The following CNTNAP2 variants were observed in gnomAD, a reference collection of about 807,000 sequenced individuals.
CNTNAP2 encodes the protein contactin-associated protein-like 2.
Under a neutral mutation model 155.2 loss-of-function variants are expected in CNTNAP2, and 98 were observed. The observed-to-expected ratio is 0.63, with a 90% CI of 0.54 to 0.75. The LOEUF is 0.75. CNTNAP2 is among the 30% of genes least tolerant of loss of function. CNTNAP2 has a pLI of 0.00. For synonymous variants in CNTNAP2, 651 were observed against 631.2 expected (o/e 1.03, Z -0.47); for missense variants, 1,727 against 1,688.1 (o/e 1.02, Z -0.40).
intron 12 of CNTNAP2, among the ~76,000 whole-genome samples, chr7:147,613,708 T>C (rs968343577): frequency 6.6e-6 from 1 of 152,040 alleles, no homozygotes; most frequent in Non-Finnish European, 1.5e-5. Flanking sequence ...CCAGGCATGG[T>C]GGTGGGCACC....
intron 13 of CNTNAP2, among the ~76,000 whole-genome samples, chr7:147,661,042 G>A (rs943393890): frequency 1.3e-5 from 2 of 152,044 alleles, no homozygotes; most frequent in African/African-American, 4.8e-5. Context: ...AGGGGCTGCT[G>A]TCCTGCCTAT....
At chr7:147,761,490 G>C (rs1797297544) in intron 13 of CNTNAP2, among the ~76,000 whole-genome samples, 1 of 152,086 alleles carries the variant, frequency 6.6e-6, no homozygotes, top group African/African-American at 2.4e-5. Context: ...TATTCCTCCT[G>C]TACATCCTCC....
intron 21 of CNTNAP2, among the ~76,000 whole-genome samples, chr7:148,347,150 G>C (rs1331968255): frequency 3.3e-5 from 5 of 152,076 alleles, no homozygotes; most frequent in Admixed American, 1.3e-4. Context: ...CCAGCTACTT[G>C]GGAGGCTGAG....
intron 1 of CNTNAP2, among the ~76,000 whole-genome samples, chr7:146,666,103 G>A (rs962501784): frequency 1.3e-5 from 2 of 152,018 alleles, no homozygotes; most frequent in African/African-American, 2.4e-5. Context: ...TTCTCATCTA[G>A]CAGTAATATT....
At chr7:147,115,205 G>T (rs1427461906) in intron 5 of CNTNAP2, among the ~76,000 whole-genome samples, 1 of 152,164 alleles carries the variant, frequency 6.6e-6, no homozygotes, top group East Asian at 1.9e-4. Context: ...GCTTCCCTTA[G>T]TGGGTGACCT....
At chr7:147,628,786 T>C (rs910979740) in intron 12 of CNTNAP2, among the ~76,000 whole-genome samples, 1 of 150,500 alleles carries the variant, frequency 6.6e-6, no homozygotes, top group Non-Finnish European at 1.5e-5. Context: ...GAAAAAGATA[T>C]TCCATGCAAA....
chr7:148,244,419 G>A (rs1390993640), intron 20 of CNTNAP2, among the ~76,000 whole-genome samples: 1 of 152,152 alleles, frequency 6.6e-6, no homozygotes, highest in East Asian at 1.9e-4. Context: ...TTTAGTTGTA[G>A]TTGTAAGGAA....
chr7:147,061,861 A>G (rs374642199), intron 4 of CNTNAP2, among the ~76,000 whole-genome samples: 7,913 of 151,218 alleles, frequency 0.052, no homozygotes, highest in African/African-American at 0.16. Flanking sequence ...TTGGCCGGGC[A>G]CGGTGGCTCA....
At chr7:146,836,391 G>C (rs1803618119) in intron 2 of CNTNAP2, among the ~76,000 whole-genome samples, 1 of 151,998 alleles carries the variant, frequency 6.6e-6, no homozygotes, top group Non-Finnish European at 1.5e-5. Flanking sequence ...AATAGAATTT[G>C]GCAGTTTTAA....
chr7:147,553,197 G>A (rs1406560033), intron 11 of CNTNAP2, among the ~76,000 whole-genome samples: 2 of 152,158 alleles, frequency 1.3e-5, no homozygotes, highest in Admixed American at 6.5e-5. Context: ...ACAGGGAAAC[G>A]GGACTAGCAT....
chr7:146,230,026 A>T (rs1237318490), intron 1 of CNTNAP2, among the ~76,000 whole-genome samples: 2 of 152,230 alleles, frequency 1.3e-5, no homozygotes, highest in East Asian at 3.8e-4. Flanking sequence ...CATTTTTCCA[A>T]ATGAAGACTT....
At chr7:146,371,178 T>G (rs1401656575) in intron 1 of CNTNAP2, among the ~76,000 whole-genome samples, 1 of 151,982 alleles carries the variant, frequency 6.6e-6, no homozygotes, top group Admixed American at 6.6e-5. Context: ...CTATTTCATC[T>G]TTTTTGCCTA....
At chr7:146,132,919 T>A (rs1323905927) in intron 1 of CNTNAP2, among the ~76,000 whole-genome samples, 2 of 148,752 alleles carry the variant, frequency 1.3e-5, no homozygotes, top group African/African-American at 2.5e-5. Context: ...GTCCTTTGGG[T>A]ATATACCCAG....
intron 23 of CNTNAP2, among the ~76,000 whole-genome samples, chr7:148,413,401 A>AATATATATAT (rs1226281346): frequency 1.1e-4 from 5 of 45,330 alleles, no homozygotes; most frequent in Non-Finnish European, 1.7e-4. Context: ...TCAAAAAAAA[A>AATATATATAT]ATATATATAT....
intron 1 of CNTNAP2, among the ~76,000 whole-genome samples, chr7:146,572,594 G>A (rs1051847838): frequency 3.3e-5 from 5 of 152,142 alleles, no homozygotes; most frequent in Admixed American, 2.0e-4. Flanking sequence ...CAGGGGACAA[G>A]GAGGACATGA....
At chr7:147,637,416 C>G (rs1795198562) in intron 12 of CNTNAP2, among the ~76,000 whole-genome samples, 1 of 152,072 alleles carries the variant, frequency 6.6e-6, no homozygotes, top group South Asian at 2.1e-4. Context: ...AATGGTGACT[C>G]CTGGGTTTTG....
At chr7:146,180,221 G>A (rs1798530196) in intron 1 of CNTNAP2, among the ~76,000 whole-genome samples, 5 of 152,106 alleles carry the variant, frequency 3.3e-5, no homozygotes, top group Admixed American at 3.3e-4. Context: ...AAGTAGCCTA[G>A]CAATTCTGCC....
chr7:147,525,659 T>C (rs1210240322), intron 11 of CNTNAP2, among the ~76,000 whole-genome samples: 2 of 152,178 alleles, frequency 1.3e-5, no homozygotes, highest in Admixed American at 6.5e-5. Context: ...ATTTAATGGA[T>C]TTAATGGGGC....
chr7:147,317,761 GATAT>G (rs774135300), intron 9 of CNTNAP2, among the ~76,000 whole-genome samples: 5 of 146,750 alleles, frequency 3.4e-5, no homozygotes, highest in African/African-American at 1.3e-4. Context: ...TCAAAAAAAG[GATAT>G]ATATATATAT....
Sources: allele counts gnomAD v4.1 joint callset (sites outside exome capture counted in the v4.1 genomes callset), GRCh38; gene constraint gnomAD v4.1.1; transcripts MANE v1.5; gene names NCBI Gene and HGNC (gene_info 2026-07-23, HGNC 2026-07-21).